ATXN7: variants seen among roughly 807,000 people sequenced by gnomAD.
ATXN7 encodes the protein ataxin-7.
Under a neutral mutation model 70.5 loss-of-function variants are expected in ATXN7, and 12 were observed. That is an observed-to-expected ratio of 0.17 (90% CI 0.11 to 0.28). The LOEUF (loss-of-function observed/expected upper bound fraction) is 0.28. Ranked by LOEUF, ATXN7 falls within the 10% of genes least tolerant of loss-of-function variation. ATXN7 has a pLI of 1.00. For missense variants in ATXN7, 1,256 were observed against 1,131.7 expected (o/e 1.11, Z -1.58); for synonymous variants, 498 against 448.7 (o/e 1.11, Z -1.39).
At chr3:63,880,146 C>T (rs1405642729) in intron 1 of ATXN7, among the ~76,000 whole-genome samples, 1 of 151,950 alleles carries the variant, frequency 6.6e-6, no homozygotes. Flanking sequence ...TAGTCCATAA[C>T]TTTATTGAGT....
intron 4 of ATXN7, among the ~76,000 whole-genome samples, chr3:63,934,338 G>T (rs775950917): frequency 2.0e-5 from 3 of 152,138 alleles, no homozygotes; most frequent in Non-Finnish European, 2.9e-5. Flanking sequence ...CAGAGGGAAA[G>T]AACTGCTGGT....
chr3:63,936,690 G>A lies in ATXN7; in HGVS notation c.395-15689G>A, dbSNP rs533766684. Among the ~76,000 whole-genome samples the A allele has an allele frequency of 1.8e-4, 27 of 152,294 alleles. No homozygotes were observed. The East Asian group carries it at 2.3e-3, about 13-fold the overall frequency. ...GTTTGACTTTCTCACATATGGTTTT[G>A]TGTAGGAAAGTAGGAGGAACTGCCT... On this transcript the variant is annotated intron_variant, in intron 4 of 12. Transcript: ENST00000674280.
intron 8 of ATXN7, 145 bp from the exon 9 acceptor site, chr3:63,987,914 G>GTT: frequency 1.0e-6 from 1 of 984,430 alleles, no homozygotes; most frequent in Non-Finnish European, 1.5e-6. Context: ...GGCTCTTAAG[G>GTT]TTTTTAGCTT....
rs2075840333 is a variant in ATXN7, at chr3:64,002,193, C to G, written c.*2726C>G. On this transcript the variant is annotated 3_prime_UTR_variant, in exon 13 of 13. Transcript: ENST00000674280. Reference sequence around the variant, plus strand: ...TGCACAGGTCTTTTTTTCTGATATCCTGTTTTGGTACAATTGAGATCATCT... The same window carrying G: ...TGCACAGGTCTTTTTTTCTGATATCGTGTTTTGGTACAATTGAGATCATCT... 6.6e-6 allele frequency: 1 copy of G among 151,884 alleles called. No individual in the cohort carries two copies. Among genetic ancestry groups the G allele is most frequent in the Non-Finnish European group, 1.5e-5 (1 of 67,892 alleles). The allele number at this position is 151,884 out of a possible 1,614,324, so 9.4% of individuals were successfully genotyped here. A position where few individuals can be genotyped will look rare whatever the true frequency, so the allele number is the denominator to read the frequency against.
intron 2 of ATXN7, among the ~76,000 whole-genome samples, chr3:63,907,125 G>T (rs1010995406): frequency 2.0e-5 from 3 of 152,130 alleles, no homozygotes; most frequent in African/African-American, 7.2e-5. Flanking sequence ...ATTTCTTAAT[G>T]TTCTTCATAA....
At chr3:63,929,068 G>T (rs575224001) in intron 4 of ATXN7, among the ~76,000 whole-genome samples, 2 of 152,234 alleles carry the variant, frequency 1.3e-5, no homozygotes, top group East Asian at 3.9e-4. Flanking sequence ...TTAACTCTGA[G>T]AAAGCAAATC....
chr3:63,907,028 C>T (rs1278837994), intron 2 of ATXN7, among the ~76,000 whole-genome samples: 1 of 152,214 alleles, frequency 6.6e-6, no homozygotes, highest in Non-Finnish European at 1.5e-5. Flanking sequence ...GATAGTATAG[C>T]GTACATAGAT....
At chr3:63,944,127 T>C (rs1559641201) in intron 4 of ATXN7, among the ~76,000 whole-genome samples, 1 of 152,156 alleles carries the variant, frequency 6.6e-6, no homozygotes, top group East Asian at 1.9e-4. Flanking sequence ...CATTGTGAAA[T>C]AGTCAGTTGC....
chr3:63,863,368 C>T (rs918181808), upstream of ATXN7: 3 of 892,254 alleles, frequency 3.4e-6, no homozygotes, highest in African/African-American at 1.8e-5. Context: ...ACTGTCCACC[C>T]TTCGCGGCTC....
chr3:63,965,235 T>C (rs754250252), intron 5 of ATXN7, among the ~76,000 whole-genome samples: 1 of 152,190 alleles, frequency 6.6e-6, no homozygotes, highest in African/African-American at 2.4e-5. Context: ...TAACAAGTGC[T>C]GGGCGTTGCA....
At chr3:63,950,951 A>G (rs2074942975) in intron 4 of ATXN7, among the ~76,000 whole-genome samples, 2 of 152,130 alleles carry the variant, frequency 1.3e-5, no homozygotes, top group Admixed American at 1.3e-4. Flanking sequence ...GGTCTTCAAG[A>G]GGTAAGAAAT....
intron 8 of ATXN7, among the ~76,000 whole-genome samples, chr3:63,986,726 C>T (rs2075584220): frequency 6.6e-6 from 1 of 152,034 alleles, no homozygotes; most frequent in African/African-American, 2.4e-5. Flanking sequence ...TTTGTCTGTG[C>T]CAGGTTAGAT....
intron 8 of ATXN7, among the ~76,000 whole-genome samples, chr3:63,984,226 C>T (rs1368845835): frequency 1.3e-5 from 2 of 151,410 alleles, no homozygotes; most frequent in African/African-American, 2.4e-5. Context: ...AAAAAAACCA[C>T]GGTCCATCTT....
At chr3:63,922,102 A>T (rs914106612) in intron 4 of ATXN7, among the ~76,000 whole-genome samples, 1 of 151,892 alleles carries the variant, frequency 6.6e-6, no homozygotes, top group African/African-American at 2.4e-5. Context: ...GGCATGATCC[A>T]TGGCTCACTG....
chr3:63,884,816 A>AT (rs572912704), intron 1 of ATXN7, among the ~76,000 whole-genome samples: 1,957 of 143,500 alleles, frequency 0.014, 16 homozygotes, highest in Non-Finnish European at 0.016. Flanking sequence ...TGCCCAGCTA[A>AT]TTTTTTTTTT....
At chr3:63,939,700 T>C (rs1476591467) in intron 4 of ATXN7, among the ~76,000 whole-genome samples, 3 of 152,170 alleles carry the variant, frequency 2.0e-5, no homozygotes, top group Non-Finnish European at 4.4e-5. Flanking sequence ...AATTCTATAG[T>C]GTTTTAACTT....
At chr3:63,954,083 A>T (rs148898285) in intron 5 of ATXN7, among the ~76,000 whole-genome samples, 6 of 152,342 alleles carry the variant, frequency 3.9e-5, no homozygotes, top group Admixed American at 2.6e-4. Flanking sequence ...CCATAAAAAG[A>T]TTCTTTGAGT....
chr3:63,946,277 G>A (rs576225002), intron 4 of ATXN7, among the ~76,000 whole-genome samples: 16 of 152,210 alleles, frequency 1.1e-4, no homozygotes, highest in South Asian at 8.3e-4. Context: ...AGTTCTTGTC[G>A]AACGGTGGGA....
At position 63,996,065 on chromosome 3, in the gene ATXN7, C is replaced by T; in HGVS notation, c.2243C>T (p.Ser748Leu). 1 of 1,614,236 alleles carries T rather than the reference C, an allele frequency of 6.2e-7. No homozygotes were observed. Among genetic ancestry groups the T allele is most frequent in the Non-Finnish European group, 8.5e-7 (1 of 1,180,040 alleles). The stretch of plus-strand genomic sequence containing the variant: ...GCTCACTCTGGGCCTCCCTACCCCT[C>T]AACGGTAACATCTTCCCATAGCATC... ...CVAHSGPPYP[S>L]TVTSSHSIGL... The change falls in exon 12 of 13, where the codon TCA becomes TTA. Residue 748 changes from serine to leucine, a missense_variant. Physicochemically the swap from Ser to Leu is moderately radical, Grantham distance 145. Transcript: ENST00000674280.
Sources: allele counts gnomAD v4.1 joint callset (sites outside exome capture counted in the v4.1 genomes callset), GRCh38; gene constraint gnomAD v4.1.1; transcripts MANE v1.5; gene names NCBI Gene and HGNC (gene_info 2026-07-23, HGNC 2026-07-21).